Variants in FAF1 observed in about 807,000 individuals in gnomAD.
FAF1 encodes the protein FAS-associated factor 1.
A neutral mutation model predicts 92.5 loss-of-function variants in FAF1; 25 were observed. The observed-to-expected ratio is 0.27, with a 90% CI of 0.20 to 0.38. FAF1 has a LOEUF of 0.38. FAF1 is among the 10% of genes least tolerant of loss of function. The probability of loss-of-function intolerance (pLI) is 1.00; values close to 1 mark genes in which losing one functional copy is unlikely to be tolerated. For missense variants in FAF1, 636 were observed against 793.3 expected (o/e 0.80, Z 2.38); for synonymous variants, 234 against 273.2 (o/e 0.86, Z 1.42).
intron 6 of FAF1, among the ~76,000 whole-genome samples, chr1:50,730,786 G>A (rs1279405173): frequency 6.6e-6 from 1 of 152,080 alleles, no homozygotes; most frequent in African/African-American, 2.4e-5. Flanking sequence ...TCCTTTATCA[G>A]GACCATTCAG....
At chr1:50,887,099 G>A (rs1478080997) in intron 1 of FAF1, among the ~76,000 whole-genome samples, 4 of 152,194 alleles carry the variant, frequency 2.6e-5, no homozygotes, top group Non-Finnish European at 4.4e-5. Flanking sequence ...GTATCTGATT[G>A]TGGTTTTGAT....
At chr1:50,761,214 A>G (rs1660313139) in intron 4 of FAF1, among the ~76,000 whole-genome samples, 1 of 152,256 alleles carries the variant, frequency 6.6e-6, no homozygotes, top group Admixed American at 6.5e-5. Context: ...CCAACCTAAA[A>G]GAGTCCAGGA....
At chr1:50,483,681 A>G (rs997426914) in intron 17 of FAF1, among the ~76,000 whole-genome samples, 1 of 152,196 alleles carries the variant, frequency 6.6e-6, no homozygotes, top group African/African-American at 2.4e-5. Flanking sequence ...GGAGGCTACT[A>G]AAGTAATCCA....
chr1:50,841,516 T>C (rs185099246), intron 2 of FAF1, among the ~76,000 whole-genome samples: 1 of 152,098 alleles, frequency 6.6e-6, no homozygotes, highest in East Asian at 1.9e-4. Context: ...ACAAAATACA[T>C]TGAAAAAATA....
At chr1:50,814,686 GAATAGACATTTCTCC>G (rs1394844843) in intron 2 of FAF1, among the ~76,000 whole-genome samples, 2 of 152,142 alleles carry the variant, frequency 1.3e-5, no homozygotes, top group Non-Finnish European at 2.9e-5. Flanking sequence ...CAAAGGACTT[GAATAGACATTTCTCC>G]AAAGACATAC....
rs556235808 is a variant in FAF1 at position 50,888,006 on chromosome 1, A to G, written c.46-30009T>C. ...TTCACGATATTGATTCTTCCTATCC[A>G]TGAGCATGGAATGTTCTTCCATTTG... On this transcript the variant is annotated intron_variant, in intron 1 of 18. Coordinates refer to ENST00000396153, the MANE Select transcript of FAF1 (RefSeq NM_007051.3). Among the ~76,000 whole-genome samples the G allele has an allele frequency of 2.7e-3, 409 of 152,318 alleles. 3 individuals carry two copies. The highest frequency in any genetic ancestry group is 0.016 in the South Asian group (76 of 4,830).
intron 15 of FAF1, among the ~76,000 whole-genome samples, chr1:50,517,576 C>T (rs1157991024): frequency 2.0e-5 from 3 of 152,048 alleles, no homozygotes; most frequent in African/African-American, 2.4e-5. Flanking sequence ...AGGTCAGAGG[C>T]CCAGGAATGT....
intron 1 of FAF1, among the ~76,000 whole-genome samples, chr1:50,902,635 T>G (rs1644805551): frequency 1.3e-5 from 2 of 152,096 alleles, no homozygotes; most frequent in Non-Finnish European, 2.9e-5. Context: ...CCAGTACCCC[T>G]CCCTTGGATA....
chr1:50,758,867 G>A (rs182059720), intron 4 of FAF1, among the ~76,000 whole-genome samples: 1 of 152,158 alleles, frequency 6.6e-6, no homozygotes, highest in Non-Finnish European at 1.5e-5. Flanking sequence ...TTTTGAGATG[G>A]AGTCTTGCTC....
intron 4 of FAF1, among the ~76,000 whole-genome samples, chr1:50,758,346 G>A (rs192426417): frequency 8.8e-4 from 134 of 152,272 alleles, no homozygotes; most frequent in Middle Eastern, 3.4e-3. Context: ...AAGCCACCAC[G>A]CCCAGCACAA....
chr1:50,547,709 C>T (rs573744136), intron 13 of FAF1, among the ~76,000 whole-genome samples: 33 of 152,204 alleles, frequency 2.2e-4, no homozygotes, highest in African/African-American at 7.5e-4. Flanking sequence ...CCACCGCGCC[C>T]GGCAAAAGCA....
At chr1:50,761,803 G>A (rs199537148) in intron 4 of FAF1, among the ~76,000 whole-genome samples, 701 of 152,024 alleles carry the variant, frequency 4.6e-3, no homozygotes, top group African/African-American at 0.012. Flanking sequence ...CTCTCTCACC[G>A]CTCCTATTCA....
At chr1:50,651,515 CAACTGAGCAATA>C (rs1448648733) in intron 8 of FAF1, among the ~76,000 whole-genome samples, 1 of 152,152 alleles carries the variant, frequency 6.6e-6, no homozygotes, top group Non-Finnish European at 1.5e-5. Context: ...CAAATTTCTT[CAACTGAGCAATA>C]AAAGTACAAA....
intron 18 of FAF1, among the ~76,000 whole-genome samples, chr1:50,458,715 C>T (rs1026690706): frequency 1.3e-5 from 2 of 152,192 alleles, no homozygotes; most frequent in East Asian, 3.8e-4. Context: ...CAACTGTTTC[C>T]TCTTTTTGCC....
intron 1 of FAF1, among the ~76,000 whole-genome samples, chr1:50,955,689 A>G (rs550646948): frequency 1.3e-5 from 2 of 152,362 alleles, no homozygotes; most frequent in African/African-American, 4.8e-5. Context: ...TTGAACACCA[A>G]TGTTTATGGC....
chr1:50,906,490 G>A (rs922020284), intron 1 of FAF1, among the ~76,000 whole-genome samples: 1 of 152,102 alleles, frequency 6.6e-6, no homozygotes, highest in Non-Finnish European at 1.5e-5. Context: ...TTTTCACAAT[G>A]TTGATTCTTC....
At chr1:50,479,619 C>T (rs1646677553) in intron 17 of FAF1, among the ~76,000 whole-genome samples, 1 of 152,180 alleles carries the variant, frequency 6.6e-6, no homozygotes, top group Non-Finnish European at 1.5e-5. Context: ...CACCTGTCTG[C>T]TTGCTTTCTG....
intron 13 of FAF1, among the ~76,000 whole-genome samples, chr1:50,550,931 G>A (rs10888696): frequency 0.49 from 74,426 of 151,956 alleles, 20,340 homozygotes; most frequent in African/African-American, 0.72. Flanking sequence ...TCTCAGGTGT[G>A]TGATCTGGCA....
At chr1:50,556,165 G>A (rs983185919) in intron 13 of FAF1, among the ~76,000 whole-genome samples, 1 of 149,846 alleles carries the variant, frequency 6.7e-6, no homozygotes, top group African/African-American at 2.5e-5. Context: ...GTGAACCCAG[G>A]AGGCGGAGCT....
Sources: gnomAD v4.1 joint callset for allele counts (sites outside exome capture counted in the v4.1 genomes callset) on GRCh38, gnomAD v4.1.1 for gene constraint, MANE v1.5 for transcripts, NCBI Gene and HGNC (gene_info 2026-07-23, HGNC 2026-07-21) for gene names.